The following DCLK1 variants were observed in gnomAD, a reference collection of about 807,000 sequenced individuals.
DCLK1 encodes the protein doublecortin like kinase 1.
A neutral mutation model predicts 86.2 loss-of-function variants in DCLK1; 16 were observed. The observed-to-expected ratio is 0.19, with a 90% CI of 0.13 to 0.28. The LOEUF (loss-of-function observed/expected upper bound fraction) is 0.28. Among genes scored for constraint, DCLK1 ranks in the 10% least tolerant of loss-of-function variants. DCLK1 has a pLI of 1.00. For synonymous variants in DCLK1, 369 were observed against 370.5 expected, an observed-to-expected ratio of 1.00 and a Z score of 0.05; for missense variants, 590 against 940.2, an observed-to-expected ratio of 0.63 and a Z score of 4.87.
chr13:35,978,929 T>C (rs1444798561), intron 3 of DCLK1, among the ~76,000 whole-genome samples: 1 of 152,216 alleles, frequency 6.6e-6, no homozygotes, highest in African/African-American at 2.4e-5. Flanking sequence ...GTAAGAGTAA[T>C]AACCACCAAT....
rs576116871 is a variant in DCLK1 at position 35,907,164 on chromosome 13, T to C, written c.824-35824A>G. 2.9e-4 allele frequency among the ~76,000 whole-genome samples: 44 copies of C among 152,254 alleles called. 1 individual carries two copies. The East Asian group carries it at 8.1e-3, about 28-fold the overall frequency. ...CAATATGTAACATTTCTTTTATTCA[T>C]TTTCCTTTATTTATTTGAGACAGGG... On this transcript the variant is annotated intron_variant, in intron 4 of 16. Transcript: ENST00000360631.
intron 11 of DCLK1, among the ~76,000 whole-genome samples, chr13:35,813,800 G>T (rs2087205864): frequency 6.7e-6 from 1 of 148,922 alleles, no homozygotes; most frequent in Non-Finnish European, 1.5e-5. Context: ...AGGTTCAAGG[G>T]ACACTCAGGA....
intron 15 of DCLK1, among the ~76,000 whole-genome samples, chr13:35,796,743 C>T (rs2086820355): frequency 6.6e-6 from 1 of 152,178 alleles, no homozygotes; most frequent in Non-Finnish European, 1.5e-5. Context: ...CACCAGGTTG[C>T]ATCAATTGAG....
At chr13:35,944,492 G>T (rs985271189) in intron 4 of DCLK1, among the ~76,000 whole-genome samples, 5 of 152,210 alleles carry the variant, frequency 3.3e-5, no homozygotes, top group African/African-American at 9.7e-5. Flanking sequence ...CTTAAAAAAA[G>T]ATTCAAATGT....
intron 3 of DCLK1, among the ~76,000 whole-genome samples, chr13:36,066,974 C>T (rs375529793): frequency 1.5e-4 from 22 of 146,258 alleles, no homozygotes; most frequent in African/African-American, 4.8e-4. Context: ...TGTAAACTAG[C>T]TCAACCATTG....
chr13:35,887,747 C>A (rs1250001771), intron 4 of DCLK1, among the ~76,000 whole-genome samples: 2 of 151,362 alleles, frequency 1.3e-5, no homozygotes, highest in Non-Finnish European at 2.9e-5. Flanking sequence ...AGAGTTATAC[C>A]AATAAAAATA....
chr13:35,978,210 T>G (rs1316922097), intron 3 of DCLK1, among the ~76,000 whole-genome samples: 1 of 141,086 alleles, frequency 7.1e-6, no homozygotes, highest in Non-Finnish European at 1.5e-5. Context: ...TTTCTTTTTT[T>G]TTTTTTTTTT....
rs9601848 is a variant in DCLK1, at chr13:35,982,201, T to C, written c.724-34744A>G. On this transcript the variant is annotated intron_variant, in intron 3 of 16. Coordinates refer to ENST00000360631, the MANE Select transcript of DCLK1 (RefSeq NM_001330071.2). The stretch of plus-strand genomic sequence containing the variant: ...AAGGTGAGGTCACAGCCCCCTGGGA[T>C]AGGCACTTTTCACAAAGGAAAGAGG... Among the ~76,000 whole-genome samples the C allele has an allele frequency of 1.9e-3, 283 of 151,930 alleles. 1 individual carries two copies. Among genetic ancestry groups the C allele is most frequent in the African/African-American group, 6.6e-3 (273 of 41,430 alleles).
chr13:35,847,979 T>A (rs945428046), intron 6 of DCLK1: 1 of 985,284 alleles, frequency 1.0e-6, no homozygotes. Flanking sequence ...CTTCATACTT[T>A]ATATATTTTT....
intron 6 of DCLK1, among the ~76,000 whole-genome samples, chr13:35,841,947 A>T (rs1339778420): frequency 2.6e-5 from 4 of 152,036 alleles, no homozygotes; most frequent in Non-Finnish European, 2.9e-5. Context: ...CCCTACAGAA[A>T]TCCCAGTGGG....
At chr13:35,872,175 T>C (rs1368644919) in intron 4 of DCLK1, among the ~76,000 whole-genome samples, 1 of 152,166 alleles carries the variant, frequency 6.6e-6, no homozygotes, top group African/African-American at 2.4e-5. Context: ...CAAAAAAATA[T>C]ATGCTTGTAA....
intron 3 of DCLK1, among the ~76,000 whole-genome samples, chr13:36,012,382 T>C (rs1219881248): frequency 6.6e-6 from 1 of 152,088 alleles, no homozygotes; most frequent in Non-Finnish European, 1.5e-5. Context: ...TTCCTTTCCA[T>C]GTTTAGCGCT....
At chr13:35,847,757 A>T in intron 6 of DCLK1, 1 of 985,176 alleles carries the variant, frequency 1.0e-6, no homozygotes, top group Non-Finnish European at 1.2e-6. Context: ...CGCTGGTTCA[A>T]ATGGTTTTAG....
At chr13:35,791,594 G>A (rs189694417) in intron 16 of DCLK1, among the ~76,000 whole-genome samples, 296 of 152,226 alleles carry the variant, frequency 1.9e-3, no homozygotes, top group Non-Finnish European at 3.1e-3. Context: ...ATTAAAATAG[G>A]ATTTCCCCTC....
intron 3 of DCLK1, among the ~76,000 whole-genome samples, chr13:35,999,068 GAC>G (rs1159571936): frequency 2.0e-5 from 3 of 152,042 alleles, no homozygotes; most frequent in Admixed American, 1.3e-4. Flanking sequence ...CAGCCTGGCC[GAC>G]ACGGTGAAAC....
intron 3 of DCLK1, among the ~76,000 whole-genome samples, chr13:35,959,451 C>T (rs771131011): frequency 6.6e-6 from 1 of 152,164 alleles, no homozygotes; most frequent in African/African-American, 2.4e-5. Context: ...AACACCCCCC[C>T]ACCTATAAAT....
At chr13:35,963,840 A>G (rs902772519) in intron 3 of DCLK1, among the ~76,000 whole-genome samples, 16 of 152,300 alleles carry the variant, frequency 1.1e-4, no homozygotes, top group African/African-American at 3.8e-4. Context: ...CCCTTCTGCC[A>G]CAATTGTAAG....
intron 16 of DCLK1, among the ~76,000 whole-genome samples, chr13:35,786,944 T>C (rs1401527232): frequency 6.6e-6 from 1 of 152,128 alleles, no homozygotes; most frequent in African/African-American, 2.4e-5. Flanking sequence ...TAAACAGATT[T>C]GGAAATGATC....
intron 4 of DCLK1, among the ~76,000 whole-genome samples, chr13:35,939,608 G>A (rs1876970828): frequency 6.6e-6 from 1 of 152,120 alleles, no homozygotes; most frequent in Non-Finnish European, 1.5e-5. Flanking sequence ...TGTTGCCCAG[G>A]TTGGTCTTAA....
Sources: allele counts gnomAD v4.1 joint callset (sites outside exome capture counted in the v4.1 genomes callset), GRCh38; gene constraint gnomAD v4.1.1; transcripts MANE v1.5; gene names NCBI Gene and HGNC (gene_info 2026-07-23, HGNC 2026-07-21).